The following TBC1D22A variants were observed in gnomAD, a reference collection of about 807,000 sequenced individuals.
TBC1D22A encodes TBC1 domain family member 22A.
Under a neutral mutation model 60.2 loss-of-function variants are expected in TBC1D22A, and 38 were observed. The observed-to-expected ratio is 0.63, with a 90% CI of 0.49 to 0.83. TBC1D22A has a LOEUF of 0.83. Ranked by LOEUF, TBC1D22A falls within the 40% of genes least tolerant of loss-of-function variation. The pLI is 0.00. For missense variants in TBC1D22A, 628 were observed against 701.0 expected, an observed-to-expected ratio of 0.90 and a Z score of 1.18; for synonymous variants, 302 against 281.7, an observed-to-expected ratio of 1.07 and a Z score of -0.72.
chr22:46,904,856 G>T (rs1188320590), intron 7 of TBC1D22A, among the ~76,000 whole-genome samples: 1 of 144,506 alleles, frequency 6.9e-6, no homozygotes, highest in East Asian at 2.1e-4. Context: ...CTCACTGCCA[G>T]CTCCACCTCC....
At chr22:47,051,791 G>A (rs192528492) in intron 11 of TBC1D22A, among the ~76,000 whole-genome samples, 25 of 152,266 alleles carry the variant, frequency 1.6e-4, no homozygotes, top group South Asian at 2.1e-4. Flanking sequence ...CTCTGCTCCC[G>A]CTGTGTTCTG....
At chr22:47,084,462 A>C (rs1029553691) in intron 11 of TBC1D22A, among the ~76,000 whole-genome samples, 36 of 152,186 alleles carry the variant, frequency 2.4e-4, no homozygotes, top group African/African-American at 7.5e-4. Context: ...GCGGGGTCAG[A>C]GATGCAGGAG....
intron 8 of TBC1D22A, among the ~76,000 whole-genome samples, chr22:46,968,559 G>GA (rs2073919713): frequency 7.0e-6 from 1 of 143,068 alleles, no homozygotes. Context: ...CTGAGTGGGA[G>GA]GGCGTCCTCA....
intron 8 of TBC1D22A, among the ~76,000 whole-genome samples, chr22:46,970,530 C>T (rs1736528276): frequency 6.6e-6 from 1 of 152,130 alleles, no homozygotes. Flanking sequence ...GTGGCTTGCC[C>T]GGCTGTGAGC....
At chr22:46,834,282 C>T (rs1022593262) in intron 4 of TBC1D22A, among the ~76,000 whole-genome samples, 10 of 152,150 alleles carry the variant, frequency 6.6e-5, no homozygotes, top group South Asian at 2.1e-4. Flanking sequence ...CCTCATCCCC[C>T]CCAGCAGTAA....
At chr22:47,163,993 A>G (rs1478832042) in intron 12 of TBC1D22A, among the ~76,000 whole-genome samples, 1 of 152,206 alleles carries the variant, frequency 6.6e-6, no homozygotes, top group Non-Finnish European at 1.5e-5. Context: ...AACACCTCCA[A>G]GGCCCATGCT....
At chr22:47,168,378 GT>G (rs2068290182) in intron 12 of TBC1D22A, among the ~76,000 whole-genome samples, 2 of 143,558 alleles carry the variant, frequency 1.4e-5, no homozygotes, top group African/African-American at 5.3e-5. Context: ...TGTTGAAGTA[GT>G]AGGTGGTGGA....
chr22:46,992,368 A>T (rs2074977224), intron 9 of TBC1D22A, among the ~76,000 whole-genome samples: 3 of 152,238 alleles, frequency 2.0e-5, no homozygotes, highest in Admixed American at 1.3e-4. Flanking sequence ...GTTACTGGGG[A>T]CTGGGCATGC....
intron 11 of TBC1D22A, among the ~76,000 whole-genome samples, chr22:47,101,975 C>T (rs887464559): frequency 1.3e-5 from 2 of 152,192 alleles, no homozygotes; most frequent in Non-Finnish European, 2.9e-5. Context: ...ATTTCCTCAT[C>T]TAGTCTTTTT....
intron 4 of TBC1D22A, among the ~76,000 whole-genome samples, chr22:46,824,072 C>T (rs1211463211): frequency 6.6e-6 from 1 of 152,188 alleles, no homozygotes; most frequent in Non-Finnish European, 1.5e-5. Flanking sequence ...AATATATAAA[C>T]TATATCACCA....
At chr22:46,987,650 T>C (rs992913192) in intron 9 of TBC1D22A, among the ~76,000 whole-genome samples, 1 of 152,210 alleles carries the variant, frequency 6.6e-6, no homozygotes, top group Non-Finnish European at 1.5e-5. Flanking sequence ...CAAAACTACT[T>C]TATTGCTAGA....
chr22:46,928,668 GA>G (rs1371905715), intron 8 of TBC1D22A, among the ~76,000 whole-genome samples: 1 of 152,066 alleles, frequency 6.6e-6, no homozygotes, highest in African/African-American at 2.4e-5. Flanking sequence ...TCATATATCT[GA>G]AAAGAGACTC....
chr22:46,892,920 TC>T (rs1418416193), intron 6 of TBC1D22A, among the ~76,000 whole-genome samples: 1 of 152,274 alleles, frequency 6.6e-6, no homozygotes, highest in African/African-American at 2.4e-5. Context: ...CGGTAGTTTT[TC>T]CTGTCTGCCT....
chr22:47,109,895 C>G (rs1163696691), intron 11 of TBC1D22A, among the ~76,000 whole-genome samples: 3 of 152,104 alleles, frequency 2.0e-5, no homozygotes, highest in Non-Finnish European at 1.5e-5. Context: ...TGACCGTGGT[C>G]CCCTAACCTG....
intron 11 of TBC1D22A, among the ~76,000 whole-genome samples, chr22:47,092,998 G>A (rs1031395554): frequency 6.6e-6 from 1 of 152,216 alleles, no homozygotes; most frequent in Non-Finnish European, 1.5e-5. Flanking sequence ...TGAGATTTGG[G>A]AAATGGGAGG....
intron 11 of TBC1D22A, among the ~76,000 whole-genome samples, chr22:47,065,918 G>A (rs2063759087): frequency 6.6e-6 from 1 of 152,198 alleles, no homozygotes; most frequent in South Asian, 2.1e-4. Context: ...CACTGAGTGA[G>A]TGGACCTTGG....
intron 7 of TBC1D22A, among the ~76,000 whole-genome samples, chr22:46,907,338 A>G (rs1298628492): frequency 2.0e-5 from 3 of 151,396 alleles, no homozygotes; most frequent in Non-Finnish European, 4.4e-5. Flanking sequence ...GCATTTTTCC[A>G]CTCAGACAGG....
chr22:46,896,207 G>A (rs2147641914), intron 7 of TBC1D22A, among the ~76,000 whole-genome samples: 1 of 152,080 alleles, frequency 6.6e-6, no homozygotes, highest in Middle Eastern at 3.4e-3. Flanking sequence ...TTTTTCTTTT[G>A]GTTTGTCGAT....
intron 11 of TBC1D22A, among the ~76,000 whole-genome samples, chr22:47,076,370 TATATATATATAC>T: frequency 9.6e-6 from 1 of 104,358 alleles, no homozygotes; most frequent in Non-Finnish European, 1.8e-5. Flanking sequence ...TGTATATATA[TATATATATATAC>T]ACACACACAC....
Sources: gnomAD v4.1 joint callset for allele counts (sites outside exome capture counted in the v4.1 genomes callset) on GRCh38, gnomAD v4.1.1 for gene constraint, MANE v1.5 for transcripts, NCBI Gene and HGNC (gene_info 2026-07-23, HGNC 2026-07-21) for gene names.